ZNF343: variants seen among roughly 807,000 people sequenced by gnomAD.
The protein encoded by ZNF343 is zinc finger protein 343.
A neutral mutation model predicts 13.8 loss-of-function variants in ZNF343; 11 were observed. The ratio of observed to expected loss-of-function variants is 0.80; its 90% CI spans 0.50 to 1.32. The LOEUF is 1.32. Ranked by LOEUF, ZNF343 falls within the 40% of genes most tolerant of loss-of-function variation. The pLI, the probability that ZNF343 is intolerant of heterozygous loss-of-function variation, is 0.00. For synonymous variants in ZNF343, 248 were observed against 260.0 expected, an observed-to-expected ratio of 0.95 and a Z score of 0.44; for missense variants, 658 against 714.2, an observed-to-expected ratio of 0.92 and a Z score of 0.90.
At chr20:2,519,946 A>G (rs1009024741) in intron 1 of ZNF343, among the ~76,000 whole-genome samples, 20 of 152,236 alleles carry the variant, frequency 1.3e-4, no homozygotes, top group Admixed American at 5.9e-4. Context: ...GTGTGATTGT[A>G]AGATTATTTT....
At chr20:2,515,037 G>A (rs2085753590) in intron 1 of ZNF343, among the ~76,000 whole-genome samples, 3 of 148,560 alleles carry the variant, frequency 2.0e-5, no homozygotes, top group South Asian at 2.1e-4. Context: ...GAAAGAAGAA[G>A]GAAGGAAGGA....
chr20:2,495,610 G>C (rs2085445121), intron 2 of ZNF343: 1 of 151,982 alleles, frequency 6.6e-6, no homozygotes, highest in Non-Finnish European at 1.5e-5. Flanking sequence ...CTTTCTCCTA[G>C]TAACACTAGT....
At chr20:2,486,161 T>C (rs1049272504) in intron 5 of ZNF343, among the ~76,000 whole-genome samples, 1 of 152,198 alleles carries the variant, frequency 6.6e-6, no homozygotes, top group Non-Finnish European at 1.5e-5. Context: ...CCTACATCAC[T>C]GAGAAGCATT....
rs139662282 is a variant in ZNF343 at position 2,500,985 on chromosome 20, C to T, written c.-236-243G>A. ...GTGCAGGACAGTGGGTGCAGAGCAC[C>T]GAGTGTTAGCCGAAGCAGGGTGAGG... is the stretch of plus-strand genomic sequence containing the variant. On this transcript the variant is annotated intron_variant, in intron 1 of 5. Transcript: ENST00000278772. 8.3e-3 allele frequency among the ~76,000 whole-genome samples: 1,268 copies of T among 152,180 alleles called. 6 individuals carry two copies. Among genetic ancestry groups the T allele is most frequent in the African/African-American group, 0.015 (611 of 41,518 alleles).
intron 5 of ZNF343, among the ~76,000 whole-genome samples, chr20:2,488,239 T>A (rs537485604): frequency 7.8e-4 from 119 of 152,266 alleles, no homozygotes; most frequent in Non-Finnish European, 1.4e-3. Flanking sequence ...CCTATCCTAG[T>A]GTGTTTACGG....
intron 2 of ZNF343, among the ~76,000 whole-genome samples, chr20:2,499,046 T>C (rs1375901205): frequency 6.6e-6 from 1 of 151,938 alleles, no homozygotes; most frequent in African/African-American, 2.4e-5. Flanking sequence ...TGTCATGTTG[T>C]CCAGGCTGAG....
chr20:2,512,092 A>G (rs2085741610), upstream of ZNF343, among the ~76,000 whole-genome samples: 1 of 152,240 alleles, frequency 6.6e-6, no homozygotes, highest in Non-Finnish European at 1.5e-5. Context: ...AGAATAACAT[A>G]TTTAGGAATA....
Position 2,494,013 on chromosome 20 carries a change from A to C in ZNF343, c.-118T>G. 1.3e-6 allele frequency: 1 copy of C among 746,948 alleles called. No homozygotes were observed. Among genetic ancestry groups the C allele is most frequent in the Non-Finnish European group, 2.3e-6 (1 of 432,302 alleles). The allele number at this position is 746,948 out of a possible 1,614,324, so 46.3% of individuals were successfully genotyped here. A position where few individuals can be genotyped will look rare whatever the true frequency, so the allele number is the denominator to read the frequency against. On this transcript the variant is annotated 5_prime_UTR_variant, in exon 3 of 6. Transcript: ENST00000278772. ...GTGACTTCTTCCAACCTTAATTATA[A>C]AAAGCCCAGCTTGTTTCCCTGCAGC...
chr20:2,493,034 A>C (rs1163517669), intron 4 of ZNF343: 2 of 593,406 alleles, frequency 3.4e-6, no homozygotes, highest in Non-Finnish European at 5.8e-6. Flanking sequence ...CACAGAACAC[A>C]TTCTAGGCCC....
Position 2,484,085 on chromosome 20 carries a change from C to T in ZNF343, c.876G>A (p.Ser292=), listed in dbSNP as rs1282071486. The change falls in exon 6 of 6, where the codon TCG becomes TCA. Residue 292 remains serine, a synonymous_variant. Coordinates refer to ENST00000278772, the MANE Select transcript of ZNF343 (RefSeq NM_024325.6). Reference sequence around the variant, plus strand: ...CACTGCACACATAAGGCTTCTCCATCGAGTGTATACGATGGTGTCTGATGA... The same window carrying T: ...CACTGCACACATAAGGCTTCTCCATTGAGTGTATACGATGGTGTCTGATGA... ...STLIRHHRIH[S]MEKPYVCSEC... 4 of 1,614,040 alleles carry T rather than the reference C, an allele frequency of 2.5e-6. No individual in the cohort carries two copies. Among genetic ancestry groups the T allele is most frequent in the East Asian group, 2.2e-5 (1 of 44,892 alleles).
At chr20:2,490,889 A>G (rs1352903876) in intron 5 of ZNF343, among the ~76,000 whole-genome samples, 1 of 152,224 alleles carries the variant, frequency 6.6e-6, no homozygotes, top group Non-Finnish European at 1.5e-5. Flanking sequence ...AAAAACACAC[A>G]CAGAACGAGT....
In ZNF343 at chr20:2,493,632, C is replaced by G. The variant is rs555643723; in HGVS notation, c.119-55G>C. 1.0e-5 allele frequency: 10 copies of G among 965,494 alleles called. No individual in the cohort carries two copies. The East Asian group carries it at 2.0e-4, about 19-fold the overall frequency. 59.8% of individuals were successfully genotyped at this position (965,494 alleles called of 1,614,324 possible). ...CCAGACCCCCCCACCCCCCACCCCC[C>G]ACCATGACGCTCCCTGAGCAGCTCT... On this transcript the variant is annotated intron_variant, in intron 3 of 5. Coordinates refer to ENST00000278772, the MANE Select transcript of ZNF343 (RefSeq NM_024325.6).
chr20:2,502,081 T>C (rs2122689963), intron 1 of ZNF343, among the ~76,000 whole-genome samples: 1 of 152,126 alleles, frequency 6.6e-6, no homozygotes, highest in South Asian at 2.1e-4. Flanking sequence ...ATTAGACGAA[T>C]GCCTAACTAG....
At position 2,508,174 on chromosome 20, in the gene ZNF343, G is replaced by A. The variant is rs937205905; in HGVS notation, c.-237+707C>T. Among the ~76,000 whole-genome samples, 6 of 152,048 alleles carry A rather than the reference G, an allele frequency of 3.9e-5. No individual in the cohort carries two copies. The highest frequency in any genetic ancestry group is 8.8e-5 in the Non-Finnish European group (6 of 68,020). ...GTGATACAGCCCACCACTATCAGAG[G>A]ACGAAACCTCCCTCACCTCCCTAAA... On this transcript the variant is annotated intron_variant, in intron 1 of 5. Transcript: ENST00000278772. The surrounding 1 kb of genome is among the most constrained non-coding windows in gnomAD (Gnocchi z 4.5).
chr20:2,517,927 CATT>C (rs2122759731), intron 1 of ZNF343, among the ~76,000 whole-genome samples: 1 of 152,134 alleles, frequency 6.6e-6, no homozygotes, highest in South Asian at 2.1e-4. Flanking sequence ...CAAATGGAAA[CATT>C]ATATGTGAAA....
intron 1 of ZNF343, among the ~76,000 whole-genome samples, chr20:2,504,753 C>T (rs368023530): frequency 6.6e-6 from 1 of 152,126 alleles, no homozygotes; most frequent in African/African-American, 2.4e-5. Flanking sequence ...ATTCAACAAC[C>T]CTTCATGCTA....
Position 2,483,692 on chromosome 20 carries a change from A to C in ZNF343, c.1269T>G (p.Asp423Glu), listed in dbSNP as rs1600021686. ...ECGRGFSQNS[D>E]LIKHQRTHLD... ...AGTGTGTCCTCTGGTGTTTGATGAG[A>C]TCTGAGTTCTGGCTAAAGCCTCGCC... Residue 423 changes from aspartate (D) to glutamate (E), a missense_variant, in exon 6 of 6, where the codon GAT (aspartate) becomes GAG (glutamate). Transcript: ENST00000278772. 1 of 1,599,716 alleles carries C rather than the reference A, an allele frequency of 6.3e-7. No homozygotes were observed. Among genetic ancestry groups the C allele is most frequent in the Non-Finnish European group, 8.5e-7 (1 of 1,175,010 alleles).
At chr20:2,511,513 G>A (rs1320135467), upstream of ZNF343, among the ~76,000 whole-genome samples, 1 of 152,130 alleles carries the variant, frequency 6.6e-6, no homozygotes, top group Non-Finnish European at 1.5e-5. Context: ...CCCTCCCTCA[G>A]CATCCCTCTG....
chr20:2,492,569 A>G lies in ZNF343; in HGVS notation c.304+130T>C, dbSNP rs1239156951. 6 of 1,079,688 alleles carry G rather than the reference A, an allele frequency of 5.6e-6. No individual in the cohort carries two copies. In the Admixed American group the frequency reaches 1.6e-4, roughly 29 times the overall value. The allele number at this position is 1,079,688 out of a possible 1,614,324, so 66.9% of individuals were successfully genotyped here. A position where few individuals can be genotyped will look rare whatever the true frequency, so the allele number is the denominator to read the frequency against. ...CTCCTTACACTAGAAAGTAAGCCCCATGGAGGCAGGGATTACGATTTTGTT... is the reference window on the plus strand; with the variant it reads ...CTCCTTACACTAGAAAGTAAGCCCCGTGGAGGCAGGGATTACGATTTTGTT... On this transcript the variant is annotated intron_variant, in intron 5 of 5. Coordinates refer to ENST00000278772, the MANE Select transcript of ZNF343 (RefSeq NM_024325.6).
Sources: gnomAD v4.1 joint callset for allele counts (sites outside exome capture counted in the v4.1 genomes callset) on GRCh38, gnomAD v4.1.1 for gene constraint, Gnocchi (gnomAD v3.1) non-coding constraint, MANE v1.5 for transcripts, NCBI Gene and HGNC (gene_info 2026-07-23, HGNC 2026-07-21) for gene names.